The following TTC28 variants were observed in gnomAD, a reference collection of about 807,000 sequenced individuals.
The protein encoded by TTC28 is tetratricopeptide repeat domain 28, also known as tetratricopeptide repeat protein 28.
In TTC28, 61 loss-of-function variants were observed where a neutral mutation model predicts 198.0. That is an observed-to-expected ratio of 0.31 (90% CI 0.25 to 0.38). The LOEUF is 0.38. Ranked by LOEUF, TTC28 falls within the 10% of genes least tolerant of loss-of-function variation. TTC28 has a pLI of 1.00. For missense variants in TTC28, 2,678 were observed against 3,164.0 expected (o/e 0.85, Z 3.69); for synonymous variants, 1,171 against 1,297.8 (o/e 0.90, Z 2.10).
intron 2 of TTC28, among the ~76,000 whole-genome samples, chr22:28,553,494 G>A (rs1417572923): frequency 2.0e-5 from 3 of 151,750 alleles, no homozygotes; most frequent in South Asian, 2.1e-4. Flanking sequence ...TCTGGGAGGC[G>A]AGGAGCGTCT....
intron 3 of TTC28, among the ~76,000 whole-genome samples, chr22:28,304,853 A>T (rs2045104879): frequency 6.6e-6 from 1 of 152,118 alleles, no homozygotes; most frequent in Non-Finnish European, 1.5e-5. Context: ...AGAACAAGAA[A>T]AAACTAGAAA....
intron 5 of TTC28, among the ~76,000 whole-genome samples, chr22:28,240,080 T>A (rs1929559413): frequency 6.6e-6 from 1 of 152,176 alleles, no homozygotes; most frequent in African/African-American, 2.4e-5. Context: ...TTCAAATGAG[T>A]AATAGAATCA....
At chr22:28,344,362 A>G (rs2045876087) in intron 2 of TTC28, among the ~76,000 whole-genome samples, 1 of 152,048 alleles carries the variant, frequency 6.6e-6, no homozygotes, top group East Asian at 1.9e-4. Context: ...AAAGGATCTG[A>G]TATTAAGATC....
intron 2 of TTC28, among the ~76,000 whole-genome samples, chr22:28,508,039 T>A (rs903372570): frequency 5.9e-5 from 9 of 152,144 alleles, no homozygotes; most frequent in Non-Finnish European, 1.3e-4. Flanking sequence ...GATGCCAGGA[T>A]GAAATTCACA....
chr22:27,999,410 TC>T, intron 15 of TTC28, 150 bp from the exon 16 acceptor site: 1 of 1,218,710 alleles, frequency 8.2e-7, no homozygotes, highest in South Asian at 1.6e-5. Flanking sequence ...CTCTTATTTT[TC>T]AACATCTTTT....
At chr22:28,018,793 G>A (rs541955415) in intron 13 of TTC28, among the ~76,000 whole-genome samples, 15 of 152,290 alleles carry the variant, frequency 9.8e-5, no homozygotes, top group Middle Eastern at 6.8e-3. Context: ...CCAGAGGTGC[G>A]CATGGTGGGA....
At chr22:28,548,397 C>T (rs2049588868) in intron 2 of TTC28, among the ~76,000 whole-genome samples, 1 of 152,174 alleles carries the variant, frequency 6.6e-6, no homozygotes, top group African/African-American at 2.4e-5. Context: ...ACCAACATGG[C>T]AATCTCTGAA....
chr22:28,307,750 T>C (rs1055333208), intron 2 of TTC28, among the ~76,000 whole-genome samples: 4 of 152,224 alleles, frequency 2.6e-5, no homozygotes, highest in African/African-American at 9.6e-5. Context: ...TGGTCTCCTA[T>C]TCAACTGAAA....
intron 1 of TTC28, among the ~76,000 whole-genome samples, chr22:28,633,802 A>G (rs553179512): frequency 1.3e-5 from 2 of 152,342 alleles, no homozygotes; most frequent in South Asian, 4.1e-4. Context: ...AGGATGAACA[A>G]CGTTAAATAA....
intron 2 of TTC28, among the ~76,000 whole-genome samples, chr22:28,628,081 T>C (rs1238875299): frequency 3.3e-5 from 5 of 151,902 alleles, no homozygotes; most frequent in African/African-American, 1.2e-4. Context: ...AATTTTTGTA[T>C]TTTTTGTAGA....
At chr22:28,400,327 C>A (rs1040505119) in intron 2 of TTC28, among the ~76,000 whole-genome samples, 1 of 152,220 alleles carries the variant, frequency 6.6e-6, no homozygotes, top group African/African-American at 2.4e-5. Context: ...CAGTCCTGCT[C>A]AGCATTTCAA....
chr22:28,537,010 T>C (rs972874269), intron 2 of TTC28, among the ~76,000 whole-genome samples: 1 of 151,646 alleles, frequency 6.6e-6, no homozygotes, highest in African/African-American at 2.4e-5. Flanking sequence ...AATAGACAAA[T>C]TGGCCGGGCG....
At chr22:28,603,383 TTTTGTTTTTTG>T (rs2050673694) in intron 2 of TTC28, among the ~76,000 whole-genome samples, 1 of 151,042 alleles carries the variant, frequency 6.6e-6, no homozygotes, top group Non-Finnish European at 1.5e-5. Flanking sequence ...TTCTTTTTTT[TTTTGTTTTTTG>T]TTTTGTTTTT....
At chr22:28,318,633 C>T (rs2045392209) in intron 2 of TTC28, among the ~76,000 whole-genome samples, 1 of 152,036 alleles carries the variant, frequency 6.6e-6, no homozygotes, top group Admixed American at 6.6e-5. Flanking sequence ...TTGCTTAGAA[C>T]TGGAACCTCT....
At chr22:28,495,638 A>T (rs2048444640) in intron 2 of TTC28, among the ~76,000 whole-genome samples, 1 of 152,218 alleles carries the variant, frequency 6.6e-6, no homozygotes, top group Admixed American at 6.5e-5. Flanking sequence ...AATATAAGGG[A>T]ATAAAAGGTA....
intron 2 of TTC28, among the ~76,000 whole-genome samples, chr22:28,518,577 C>T (rs963035999): frequency 1.3e-5 from 2 of 152,190 alleles, no homozygotes; most frequent in African/African-American, 4.8e-5. Context: ...CACTGCACTA[C>T]AGCCTACGTG....
At chr22:28,412,831 C>G (rs149415192) in intron 2 of TTC28, among the ~76,000 whole-genome samples, 15 of 152,286 alleles carry the variant, frequency 9.8e-5, no homozygotes, top group African/African-American at 3.6e-4. Flanking sequence ...GAATGTAAAA[C>G]AGTGGTAGGC....
intron 2 of TTC28, among the ~76,000 whole-genome samples, chr22:28,332,337 A>G (rs1313669385): frequency 6.6e-6 from 1 of 152,028 alleles, no homozygotes; most frequent in African/African-American, 2.4e-5. Context: ...TAATTATAAA[A>G]TTGTGACCAT....
At chr22:28,263,906 C>G (rs1249137818) in intron 5 of TTC28, among the ~76,000 whole-genome samples, 1 of 152,010 alleles carries the variant, frequency 6.6e-6, no homozygotes, top group African/African-American at 2.4e-5. Flanking sequence ...TAGACTGATT[C>G]GTGGGTTATG....
Sources: gnomAD v4.1 joint callset for allele counts (sites outside exome capture counted in the v4.1 genomes callset) on GRCh38, gnomAD v4.1.1 for gene constraint, MANE v1.5 for transcripts, NCBI Gene and HGNC (gene_info 2026-07-23, HGNC 2026-07-21) for gene names.